LRFN5: variants seen among roughly 807,000 people sequenced by gnomAD.
The protein encoded by LRFN5 is leucine-rich repeat and fibronectin type-III domain-containing protein 5.
In LRFN5, 24 loss-of-function variants were observed where a neutral mutation model predicts 45.6. That is an observed-to-expected ratio of 0.53 (90% CI 0.38 to 0.74). The LOEUF is 0.74. LRFN5 is among the 30% of genes least tolerant of loss of function. The pLI is 0.00. For missense variants in LRFN5, 776 were observed against 861.5 expected (o/e 0.90, Z 1.24); for synonymous variants, 340 against 313.8 (o/e 1.08, Z -0.88).
chr14:41,621,855 G>T (rs1025645569), intron 1 of LRFN5, among the ~76,000 whole-genome samples: 3 of 152,054 alleles, frequency 2.0e-5, no homozygotes, highest in African/African-American at 7.2e-5. Context: ...ATTTGGAGGG[G>T]TAGGTCAGGG....
intron 1 of LRFN5, among the ~76,000 whole-genome samples, chr14:41,674,847 G>T (rs1020725243): frequency 1.3e-5 from 2 of 151,410 alleles, no homozygotes; most frequent in African/African-American, 4.9e-5. Context: ...CTTCTCAGAC[G>T]GGGCGGTTGC....
chr14:41,703,827 C>A (rs1040759354), intron 1 of LRFN5, among the ~76,000 whole-genome samples: 1 of 152,004 alleles, frequency 6.6e-6, no homozygotes, highest in Non-Finnish European at 1.5e-5. Flanking sequence ...TTGTATCACA[C>A]CTTGATAGTG....
intron 1 of LRFN5, among the ~76,000 whole-genome samples, chr14:41,623,590 T>G (rs892874640): frequency 5.3e-5 from 8 of 152,106 alleles, no homozygotes; most frequent in Non-Finnish European, 1.2e-4. Flanking sequence ...CTATATTAAG[T>G]GGTTTTAAGA....
rs199770856 is a variant in LRFN5, at chr14:41,610,661, T to TAAAAAAAAAAAAAAAA, written c.-197+2106_-197+2121dup. On this transcript the variant is annotated intron_variant, in intron 1 of 5. Coordinates refer to ENST00000298119, the MANE Select transcript of LRFN5 (RefSeq NM_152447.5). ...TACCCCTCTGAGGTCCCAGGGAAGG[T>TAAAAAAAAAAAAAAAA]AAAAAAAAAAAAAAAAAAAAAAGTG... Among the ~76,000 whole-genome samples, 168 of 37,312 alleles carry TAAAAAAAAAAAAAAAA rather than the reference T, an allele frequency of 4.5e-3. 32 individuals carry two copies. Among genetic ancestry groups the TAAAAAAAAAAAAAAAA allele is most frequent in the Non-Finnish European group, 6.7e-3 (98 of 14,720 alleles). 24.5% of individuals were successfully genotyped at this position (37,312 alleles called of 152,430 possible). A position where few individuals can be genotyped will look rare whatever the true frequency, so the allele number is the denominator to read the frequency against.
Position 41,886,767 on chromosome 14 carries a change from A to G in LRFN5, c.142A>G (p.Asn48Asp). Residue 48 changes from asparagine (N) to aspartate (D), a missense_variant, in exon 3 of 6, where the codon AAC becomes GAC. Transcript: ENST00000298119. ...GAAAGGGCTTTTATTTGTTCCACCAAACATTGACAGAAGAACTGTGGAACT... is the reference window on the plus strand; with the variant it reads ...GAAAGGGCTTTTATTTGTTCCACCAGACATTGACAGAAGAACTGTGGAACT... ...AKKGLLFVPPNIDRRTVELRL... is the reference protein window; with the variant it reads ...AKKGLLFVPPDIDRRTVELRL... The G allele has an allele frequency of 5.0e-6, 8 of 1,614,134 alleles. No individual in the cohort carries two copies. The highest frequency in any genetic ancestry group is 1.1e-5 in the South Asian group (1 of 91,068).
chr14:41,849,546 C>T (rs757537342), intron 2 of LRFN5, among the ~76,000 whole-genome samples: 36 of 151,950 alleles, frequency 2.4e-4, no homozygotes, highest in Non-Finnish European at 4.3e-4. Flanking sequence ...CCTGCTTCTT[C>T]ACACCTCCTT....
intron 2 of LRFN5, among the ~76,000 whole-genome samples, chr14:41,838,810 A>G (rs1245661034): frequency 1.3e-5 from 2 of 152,130 alleles, no homozygotes; most frequent in African/African-American, 4.8e-5. Flanking sequence ...TAGAAAATAG[A>G]TAGCGCTAAA....
chr14:41,761,540 TA>T (rs1387245742), intron 1 of LRFN5, among the ~76,000 whole-genome samples: 2 of 152,150 alleles, frequency 1.3e-5, no homozygotes, highest in African/African-American at 4.8e-5. Context: ...AATAATGTTG[TA>T]TTTTGTTTTT....
rs1037443676 is a variant in LRFN5 at position 41,798,548 on chromosome 14, A to T, written c.-21+31519A>T. Reference sequence around the variant, plus strand: ...ACCATAGAGCTGGCAGAGAAAGACTAGCAATTTCCTAATGATTAGATCCAT... The same window carrying T: ...ACCATAGAGCTGGCAGAGAAAGACTTGCAATTTCCTAATGATTAGATCCAT... On this transcript the variant is annotated intron_variant, in intron 2 of 5. Transcript: ENST00000298119. Among the ~76,000 whole-genome samples the T allele has an allele frequency of 5.9e-5, 9 of 152,026 alleles. 1 individual carries two copies. The highest frequency in any genetic ancestry group is 1.0e-4 in the Non-Finnish European group (7 of 67,976).
At chr14:41,762,922 C>T (rs1252188897) in intron 1 of LRFN5, among the ~76,000 whole-genome samples, 1 of 152,058 alleles carries the variant, frequency 6.6e-6, no homozygotes, top group East Asian at 1.9e-4. Flanking sequence ...GGTAGAACAA[C>T]TCATTCTTTA....
At chr14:41,899,381 A>C (rs1021648305) in intron 5 of LRFN5, among the ~76,000 whole-genome samples, 1 of 152,122 alleles carries the variant, frequency 6.6e-6, no homozygotes, top group African/African-American at 2.4e-5. Flanking sequence ...CTCTTTGAAA[A>C]CAGATGAACA....
chr14:41,722,144 A>G (rs1255522698), intron 1 of LRFN5, among the ~76,000 whole-genome samples: 1 of 151,950 alleles, frequency 6.6e-6, no homozygotes, highest in Non-Finnish European at 1.5e-5. Flanking sequence ...CTTTTTTTCT[A>G]TTTGATCCAG....
At chr14:41,777,314 A>G (rs1276658093) in intron 2 of LRFN5, among the ~76,000 whole-genome samples, 1 of 151,660 alleles carries the variant, frequency 6.6e-6, no homozygotes, top group Non-Finnish European at 1.5e-5. Context: ...TTTTTAAATA[A>G]TTACTCTATC....
intron 1 of LRFN5, among the ~76,000 whole-genome samples, chr14:41,657,596 T>C (rs1184266897): frequency 6.6e-6 from 1 of 152,016 alleles, no homozygotes. Flanking sequence ...CTTTTGATTT[T>C]ACAGGCACCT....
intron 1 of LRFN5, among the ~76,000 whole-genome samples, chr14:41,682,090 T>A (rs1416769856): frequency 6.6e-6 from 1 of 151,502 alleles, no homozygotes; most frequent in African/African-American, 2.4e-5. Context: ...AATGCTGGGA[T>A]TACAGGTATG....
At chr14:41,749,309 A>G (rs1885038194) in intron 1 of LRFN5, among the ~76,000 whole-genome samples, 1 of 152,214 alleles carries the variant, frequency 6.6e-6, no homozygotes, top group African/African-American at 2.4e-5. Context: ...AAGCTATTGT[A>G]TTAATGCATG....
At chr14:41,696,449 G>A (rs939960825) in intron 1 of LRFN5, among the ~76,000 whole-genome samples, 9 of 148,746 alleles carry the variant, frequency 6.1e-5, no homozygotes, top group Admixed American at 2.0e-4. Context: ...TTGTATATTC[G>A]TATAGAGCCA....
intron 1 of LRFN5, among the ~76,000 whole-genome samples, chr14:41,690,723 T>C (rs1882344057): frequency 6.6e-6 from 1 of 152,120 alleles, no homozygotes; most frequent in African/African-American, 2.4e-5. Flanking sequence ...ACAAATCAGG[T>C]AAAATATTGA....
At chr14:41,873,405 A>AAGAG (rs950826272) in intron 2 of LRFN5, among the ~76,000 whole-genome samples, 1 of 122,554 alleles carries the variant, frequency 8.2e-6, no homozygotes, top group South Asian at 3.2e-4. Flanking sequence ...AGAGAGGAGA[A>AAGAG]AGAGAGAGAG....
Sources: gnomAD v4.1 joint callset for allele counts (sites outside exome capture counted in the v4.1 genomes callset) on GRCh38, gnomAD v4.1.1 for gene constraint, MANE v1.5 for transcripts, NCBI Gene and HGNC (gene_info 2026-07-23, HGNC 2026-07-21) for gene names.